The following GRIN3A variants were observed in gnomAD, a reference collection of about 807,000 sequenced individuals.
GRIN3A encodes glutamate ionotropic receptor NMDA type subunit 3A, also known as glutamate receptor ionotropic, NMDA 3A.
A neutral mutation model predicts 92.4 loss-of-function variants in GRIN3A; 47 were observed. The observed-to-expected ratio is 0.51, with a 90% confidence interval of 0.40 to 0.65. The LOEUF (loss-of-function observed/expected upper bound fraction) is 0.65. Among genes scored for constraint, GRIN3A ranks in the 30% least tolerant of loss-of-function variants. GRIN3A has a pLI of 0.00. For synonymous variants in GRIN3A, 527 were observed against 540.6 expected (o/e 0.97, Z 0.35); for missense variants, 1,324 against 1,393.1 (o/e 0.95, Z 0.79).
chr9:101,642,610 G>C (rs748038933), intron 3 of GRIN3A, among the ~76,000 whole-genome samples: 1 of 152,128 alleles, frequency 6.6e-6, no homozygotes, highest in Non-Finnish European at 1.5e-5. Flanking sequence ...CAGGCCAACT[G>C]GTCCATGGCC....
chr9:101,639,568 T>G (rs1372004694), intron 3 of GRIN3A, among the ~76,000 whole-genome samples: 3 of 152,218 alleles, frequency 2.0e-5, no homozygotes, highest in Non-Finnish European at 2.9e-5. Flanking sequence ...TCAGCAATTT[T>G]GGGCTGATGA....
intron 1 of GRIN3A, among the ~76,000 whole-genome samples, chr9:101,693,241 TAA>T (rs1255403094): frequency 4.0e-5 from 2 of 49,926 alleles, no homozygotes; most frequent in African/African-American, 6.8e-5. Flanking sequence ...CCATCTCAGC[TAA>T]AATATATATA....
chr9:101,678,293 G>A (rs1829424744), intron 2 of GRIN3A, among the ~76,000 whole-genome samples: 1 of 152,178 alleles, frequency 6.6e-6, no homozygotes, highest in Admixed American at 6.5e-5. Context: ...CAAATTGTTT[G>A]AAGGATTAAA....
intron 1 of GRIN3A, among the ~76,000 whole-genome samples, chr9:101,733,055 T>G (rs935587621): frequency 1.3e-5 from 2 of 152,190 alleles, no homozygotes; most frequent in Non-Finnish European, 1.5e-5. Context: ...AAATAAAATC[T>G]AATGGTACAA....
chr9:101,605,471 C>T (rs958929852), intron 6 of GRIN3A, among the ~76,000 whole-genome samples: 2 of 152,158 alleles, frequency 1.3e-5, no homozygotes, highest in African/African-American at 4.8e-5. Context: ...ATACCATGCT[C>T]CTTAAAAACA....
At position 101,573,356 on chromosome 9, in the gene GRIN3A, G is replaced by T; in HGVS notation, c.3166C>A (p.Pro1056Thr). 1 of 1,614,054 alleles carries T rather than the reference G, an allele frequency of 6.2e-7. No individual in the cohort carries two copies. Among genetic ancestry groups the T allele is most frequent in the South Asian group, 1.1e-5 (1 of 91,082 alleles). ...IPLPPRRREL[P>T]ALRTTNGKAD... ...TTCCCATTGGTGGTCCGCAAGGCAG[G>T]GAGCTCTCTTCTCCTTGGAGGGAGG... is the stretch of plus-strand genomic sequence containing the variant. Residue 1056 changes from proline (P) to threonine (T), a missense_variant, in exon 9 of 9, where the codon CCT becomes ACT. Physicochemically the swap from Pro to Thr is conservative, Grantham distance 38 (BLOSUM62 -1). Transcript: ENST00000361820.
At chr9:101,599,307 G>A (rs1422879712) in intron 6 of GRIN3A, among the ~76,000 whole-genome samples, 1 of 152,178 alleles carries the variant, frequency 6.6e-6, no homozygotes, top group African/African-American at 2.4e-5. Flanking sequence ...CCACTTCACT[G>A]AAATAATTCA....
intron 1 of GRIN3A, among the ~76,000 whole-genome samples, chr9:101,727,023 C>CA (rs1588299896): frequency 6.6e-6 from 1 of 152,020 alleles, no homozygotes; most frequent in Non-Finnish European, 1.5e-5. Context: ...ACAAGGAAAA[C>CA]AATGACGGTG....
intron 2 of GRIN3A, among the ~76,000 whole-genome samples, chr9:101,674,670 A>C (rs1324301350): frequency 6.6e-6 from 1 of 152,004 alleles, no homozygotes; most frequent in African/African-American, 2.4e-5. Flanking sequence ...AAAAATTTAG[A>C]GCCTGGATCA....
chr9:101,623,515 T>C (rs912139476), intron 4 of GRIN3A, 82 bp from the exon 5 acceptor site: 22 of 1,024,932 alleles, frequency 2.1e-5, no homozygotes, highest in Non-Finnish European at 2.9e-5. Flanking sequence ...GGCTTTTGTT[T>C]AGGGGACAGA....
At position 101,579,259 on chromosome 9, in the gene GRIN3A, G is replaced by A. The variant is rs1254591392; in HGVS notation, c.2868C>T (p.Tyr956=). The A allele has an allele frequency of 2.5e-6, 4 of 1,613,954 alleles. No homozygotes were observed. The East Asian group carries it at 6.7e-5, about 27-fold the overall frequency. The change falls in exon 7 of 9, where the codon TAC becomes TAT. Residue 956 remains tyrosine, a synonymous_variant. Coordinates refer to ENST00000361820, the MANE Select transcript of GRIN3A (RefSeq NM_133445.3). ...TTTTGATTCGTGGTAGCAGCAGCCT[G>A]TATACTATGTGCTCACCAATGGTGG... ...ILTTIGEHIV[Y]RLLLPRIKNK...
chr9:101,587,323 A>G (rs1483924446), intron 6 of GRIN3A, among the ~76,000 whole-genome samples: 1 of 152,078 alleles, frequency 6.6e-6, no homozygotes, highest in Non-Finnish European at 1.5e-5. Context: ...AAAAAAAAAA[A>G]AAAATCTGTT....
chr9:101,670,582 A>T lies in GRIN3A; in HGVS notation c.1830T>A (p.Asn610Lys), dbSNP rs1829303850. 1.9e-6 allele frequency: 3 copies of T among 1,613,840 alleles called. No homozygotes were observed. Among genetic ancestry groups the T allele is most frequent in the Non-Finnish European group, 2.5e-6 (3 of 1,179,938 alleles). ...CACCCACTAGCCCAGTCCAGTGCCC[A>T]TTTTTCCATGCTCCATACTTTCCAT... ...VGDGKYGAWK[N>K]GHWTGLVGDL... Residue 610 changes from asparagine to lysine, a missense_variant, in exon 3 of 9, where the codon AAT (asparagine) becomes AAA (lysine). Physicochemically the swap from Asn to Lys is moderately conservative, Grantham distance 94. Transcript: ENST00000361820.
intron 3 of GRIN3A, among the ~76,000 whole-genome samples, chr9:101,642,134 G>A (rs188142735): frequency 2.6e-5 from 4 of 152,090 alleles, no homozygotes; most frequent in East Asian, 1.9e-4. Flanking sequence ...CAAACACATC[G>A]ACCAATGGAA....
chr9:101,716,554 TTG>T (rs1470176391), intron 1 of GRIN3A, among the ~76,000 whole-genome samples: 1 of 152,212 alleles, frequency 6.6e-6, no homozygotes, highest in East Asian at 1.9e-4. Flanking sequence ...TTTTTCTTTC[TTG>T]TCTCTTGCTT....
At chr9:101,686,471 T>A in intron 2 of GRIN3A, 125 bp downstream of exon 2, 1 of 1,090,338 alleles carries the variant, frequency 9.2e-7, no homozygotes, top group Non-Finnish European at 1.4e-6. Flanking sequence ...AGAAATCCTC[T>A]AAGAAATATT....
At chr9:101,634,500 C>A (rs1828758241) in intron 3 of GRIN3A, among the ~76,000 whole-genome samples, 3 of 151,400 alleles carry the variant, frequency 2.0e-5, no homozygotes, top group Non-Finnish European at 4.4e-5. Flanking sequence ...AAATTCATAT[C>A]TAATGAGATT....
In GRIN3A at chr9:101,594,780, C is replaced by G. The variant is rs151333989; in HGVS notation, c.2767-15420G>C. ...CGCACCAACGGGTTGTGGCGCAGCT[C>G]CGGCAGGGACATGAACTCCTCCACG... On this transcript the variant is annotated intron_variant, in intron 6 of 8. Transcript: ENST00000361820. The G allele has an allele frequency of 5.0e-6, 8 of 1,613,722 alleles. No individual in the cohort carries two copies. The East Asian group carries it at 6.7e-5, about 13-fold the overall frequency.
intron 2 of GRIN3A, among the ~76,000 whole-genome samples, chr9:101,685,257 T>TATA (rs1204383830): frequency 6.6e-6 from 1 of 151,692 alleles, no homozygotes; most frequent in Non-Finnish European, 1.5e-5. Flanking sequence ...TACATATATA[T>TATA]ATGTAAAATT....
Sources: gnomAD v4.1 joint callset for allele counts (sites outside exome capture counted in the v4.1 genomes callset) on GRCh38, gnomAD v4.1.1 for gene constraint, MANE v1.5 for transcripts, NCBI Gene and HGNC (gene_info 2026-07-23, HGNC 2026-07-21) for gene names.